PHACTR2: variants seen among roughly 807,000 people sequenced by gnomAD.
PHACTR2 encodes the protein chromosome 6 open reading frame 56.
PHACTR2 carries 30 observed loss-of-function variants against 76.0 expected under a neutral mutation model. The observed-to-expected ratio is 0.39, with a 90% CI of 0.30 to 0.54. The LOEUF (loss-of-function observed/expected upper bound fraction) is 0.54. PHACTR2 is among the 20% of genes least tolerant of loss of function. PHACTR2 has a pLI of 0.61. For missense variants in PHACTR2, 696 were observed against 781.1 expected (o/e 0.89, Z 1.30); for synonymous variants, 292 against 292.5 (o/e 1.00, Z 0.02).
Position 143,556,010 on chromosome 6 carries a change from G to GA in PHACTR2, c.217+18811dup, listed in dbSNP as rs199721066. ...CAATTAATTTTTTTAAAAAGAAACA[G>GA]AAAAAAAACAAAAAGAAAAGAGACC... On this transcript the variant is annotated intron_variant, in intron 1 of 11. Transcript: ENST00000367584. This position sits in a 1 kb window ranked among gnomAD's most constrained non-coding sequence, Gnocchi z 4.3. Among the ~76,000 whole-genome samples the GA allele has an allele frequency of 8.4e-3, 1,221 of 145,636 alleles. 25 individuals are homozygous for GA. The East Asian group carries it at 0.094, about 11-fold the overall frequency.
chr6:143,634,608 A>G (rs999127850), intron 1 of PHACTR2, among the ~76,000 whole-genome samples: 1 of 152,206 alleles, frequency 6.6e-6, no homozygotes, highest in African/African-American at 2.4e-5. Flanking sequence ...TGAGCCAGTT[A>G]GATGATTTAT....
At position 143,597,848 on chromosome 6, in the gene PHACTR2, T is replaced by C. The variant is rs904995080; in HGVS notation, c.217+60641T>C. Among the ~76,000 whole-genome samples the C allele has an allele frequency of 6.6e-6, 1 of 152,216 alleles. No homozygotes were observed. On this transcript the variant is annotated intron_variant, in intron 1 of 11. Coordinates refer to the PHACTR2 transcript ENST00000367584. The surrounding 1 kb of genome is among the most constrained non-coding windows in gnomAD (Gnocchi z 5.7). ...TTCGCTACCATTTTATCCTGAGAAA[T>C]TCTCTTTCATTACCTGCTCAAAGCC...
At chr6:143,746,493 A>G (rs1379328988) in intron 2 of PHACTR2, among the ~76,000 whole-genome samples, 1 of 152,200 alleles carries the variant, frequency 6.6e-6, no homozygotes, top group Non-Finnish European at 1.5e-5. Flanking sequence ...TTGCTCTTGC[A>G]GTTGCCACCT....
At chr6:143,799,508 C>A (rs946220735) in intron 11 of PHACTR2, among the ~76,000 whole-genome samples, 18 of 152,314 alleles carry the variant, frequency 1.2e-4, no homozygotes, top group Middle Eastern at 3.4e-3. Context: ...CTCTTGCTTT[C>A]TCTTGTGGGC....
chr6:143,591,209 C>T lies in PHACTR2; in HGVS notation c.217+54002C>T, dbSNP rs1199719800. On this transcript the variant is annotated intron_variant, in intron 1 of 11. Transcript: ENST00000367584. This position sits in a 1 kb window ranked among gnomAD's most constrained non-coding sequence, Gnocchi z 6.4. The stretch of plus-strand genomic sequence containing the variant: ...ACGTGACAGAGCTGAAGGCAGAGAA[C>T]AATGAAGTCAGCTCCTGACTTTTGA... Among the ~76,000 whole-genome samples the T allele has an allele frequency of 1.3e-5, 2 of 152,038 alleles. No homozygotes were observed. The highest frequency in any genetic ancestry group is 2.9e-5 in the Non-Finnish European group (2 of 68,022).
chr6:143,673,742 T>C (rs1402159101), upstream of PHACTR2, among the ~76,000 whole-genome samples: 1 of 152,046 alleles, frequency 6.6e-6, no homozygotes, highest in East Asian at 1.9e-4. Context: ...GAGGTCTTTA[T>C]TTTCCAGCAT....
At position 143,689,912 on chromosome 6, in the gene PHACTR2, G is replaced by A. The variant is rs1777602916; in HGVS notation, c.46+11703G>A. ...TTCGCCAGGCTGGTCTTGGCAATCT[G>A]GTCTTGAACTTCTGAACTCAGGTGA... On this transcript the variant is annotated intron_variant, in intron 1 of 12. Transcript: ENST00000440869. The surrounding 1 kb of genome is among the most constrained non-coding windows in gnomAD (Gnocchi z 4.4). Among the ~76,000 whole-genome samples, 1 of 152,036 alleles carries A rather than the reference G, an allele frequency of 6.6e-6. No homozygotes were observed. Among genetic ancestry groups the A allele is most frequent in the African/African-American group, 2.4e-5 (1 of 41,400 alleles).
At chr6:143,601,564 C>T (rs1775814771) in intron 1 of PHACTR2, among the ~76,000 whole-genome samples, 1 of 152,222 alleles carries the variant, frequency 6.6e-6, no homozygotes. Flanking sequence ...AAAAGCTAAA[C>T]ATATTTCACA....
intron 1 of PHACTR2, among the ~76,000 whole-genome samples, chr6:143,587,939 G>A (rs541971643): frequency 1.3e-5 from 2 of 152,054 alleles, no homozygotes; most frequent in South Asian, 4.2e-4. Flanking sequence ...CTTGAGTTCG[G>A]GAAGCAGTGG....
chr6:143,686,755 G>A (rs1237708775), intron 1 of PHACTR2, among the ~76,000 whole-genome samples: 5 of 152,118 alleles, frequency 3.3e-5, no homozygotes, highest in African/African-American at 9.7e-5. Context: ...AAAGTGCTGG[G>A]ATTACAGGTG....
At chr6:143,588,428 A>G (rs1273326657) in intron 1 of PHACTR2, among the ~76,000 whole-genome samples, 2 of 126,536 alleles carry the variant, frequency 1.6e-5, no homozygotes, top group East Asian at 4.1e-4. Flanking sequence ...AGCCGCTTTG[A>G]TGAAAAGATC....
intron 1 of PHACTR2, among the ~76,000 whole-genome samples, chr6:143,703,156 T>TAAAAAAAAA (rs57738495): frequency 1.1e-5 from 1 of 91,148 alleles, no homozygotes; most frequent in Non-Finnish European, 2.1e-5. Context: ...AAAAAATTAC[T>TAAAAAAAAA]AAAAAAAAAA....
intron 1 of PHACTR2, among the ~76,000 whole-genome samples, chr6:143,685,567 T>C (rs2128454449): frequency 6.6e-6 from 1 of 151,846 alleles, no homozygotes; most frequent in Non-Finnish European, 1.5e-5. Flanking sequence ...AATATTAATA[T>C]CCCCATTTTA....
At chr6:143,735,523 G>A (rs939201727) in intron 2 of PHACTR2, among the ~76,000 whole-genome samples, 3 of 152,068 alleles carry the variant, frequency 2.0e-5, no homozygotes, top group African/African-American at 7.2e-5. Flanking sequence ...ACATCGTTGT[G>A]CAACAGACCT....
chr6:143,556,208 A>G lies in PHACTR2; in HGVS notation c.217+19001A>G, dbSNP rs1644712532. 6.6e-6 allele frequency among the ~76,000 whole-genome samples: 1 copy of G among 152,228 alleles called. No homozygotes were observed. The highest frequency in any genetic ancestry group is 2.4e-5 in the African/African-American group (1 of 41,462). ...GCTTTGATTAGAATTTTGTGATACC[A>G]GCTACTGTATAATTCGGCCCCAGTT... is the stretch of plus-strand genomic sequence containing the variant. On this transcript the variant is annotated intron_variant, in intron 1 of 11. Transcript: ENST00000367584. This position sits in a 1 kb window ranked among gnomAD's most constrained non-coding sequence, Gnocchi z 4.3.
At position 143,624,894 on chromosome 6, in the gene PHACTR2, A is replaced by G. The variant is rs1344744284; in HGVS notation, c.13+16572A>G. On this transcript the variant is annotated intron_variant, in intron 1 of 11. Transcript: ENST00000305766. The surrounding 1 kb of genome is among the most constrained non-coding windows in gnomAD (Gnocchi z 4.6). ...AAGGAGGCCGGGAACGGTGCCTCAC[A>G]CCTGTAATCCCAGTACTTTGGGAGG... Among the ~76,000 whole-genome samples, 3 of 152,062 alleles carry G rather than the reference A, an allele frequency of 2.0e-5. No homozygotes were observed. The highest frequency in any genetic ancestry group is 4.4e-5 in the Non-Finnish European group (3 of 68,002).
rs377103080 is a variant in PHACTR2, at chr6:143,821,343, C to T, written c.1923-2331C>T. 6.6e-6 allele frequency among the ~76,000 whole-genome samples: 1 copy of T among 152,344 alleles called. No homozygotes were observed. Among genetic ancestry groups the T allele is most frequent in the East Asian group, 1.9e-4 (1 of 5,190 alleles). On this transcript the variant is annotated intron_variant, in intron 12 of 12. Coordinates refer to ENST00000440869, the MANE Select transcript of PHACTR2 (RefSeq NM_001100164.2). The surrounding 1 kb of genome is among the most constrained non-coding windows in gnomAD (Gnocchi z 5.2). ...CCCTCGTATCCAACTAGCAGCTCCT[C>T]AGTTATCAATTCGTGGCCCATCTCA...
At position 143,777,784 on chromosome 6, in the gene PHACTR2, T is replaced by A. The variant is rs1342963253; in HGVS notation, c.1645+401T>A. Among the ~76,000 whole-genome samples, 1 of 152,208 alleles carries A rather than the reference T, an allele frequency of 6.6e-6. No individual in the cohort carries two copies. The highest frequency in any genetic ancestry group is 1.5e-5 in the Non-Finnish European group (1 of 68,026). Reference sequence around the variant, plus strand: ...AACATTCCTATATTATTATTAACAATACAGTTTGTTGCTAGTTTAACAAAT... The same window carrying A: ...AACATTCCTATATTATTATTAACAAAACAGTTTGTTGCTAGTTTAACAAAT... On this transcript the variant is annotated intron_variant, in intron 9 of 12. Coordinates refer to ENST00000440869, the MANE Select transcript of PHACTR2 (RefSeq NM_001100164.2). The surrounding 1 kb of genome is among the most constrained non-coding windows in gnomAD (Gnocchi z 4.6).
rs1582720137 is a variant in PHACTR2, at chr6:143,633,455, C to T, written c.13+25133C>T. Among the ~76,000 whole-genome samples the T allele has an allele frequency of 6.6e-6, 1 of 152,100 alleles. No individual in the cohort carries two copies. Among genetic ancestry groups the T allele is most frequent in the African/African-American group, 2.4e-5 (1 of 41,422 alleles). ...TTTAGTGAGGACCTCTTTAGAGAGA[C>T]CTTCTGTTCAGGTCTTTTGTCCATT... On this transcript the variant is annotated intron_variant, in intron 1 of 11. Transcript: ENST00000305766. This position sits in a 1 kb window ranked among gnomAD's most constrained non-coding sequence, Gnocchi z 4.1.
Sources: gnomAD v4.1 joint callset for allele counts (sites outside exome capture counted in the v4.1 genomes callset) on GRCh38, gnomAD v4.1.1 for gene constraint, Gnocchi (gnomAD v3.1) non-coding constraint, MANE v1.5 for transcripts, NCBI Gene and HGNC (gene_info 2026-07-23, HGNC 2026-07-21) for gene names.